EFCAB3: variants seen among roughly 807,000 people sequenced by gnomAD.
EFCAB3 encodes EF-hand calcium binding domain 3.
EFCAB3 carries 36 observed loss-of-function variants against 42.2 expected under a neutral mutation model. The observed-to-expected ratio is 0.85, with a 90% CI of 0.65 to 1.13. The LOEUF (loss-of-function observed/expected upper bound fraction) is 1.13, where lower values mean the gene tolerates loss of function less well. EFCAB3 is among the 50% of genes most tolerant of loss of function. The pLI, the probability that EFCAB3 is intolerant of heterozygous loss-of-function variation, is 0.00. For synonymous variants in EFCAB3, 170 were observed against 172.8 expected (o/e 0.98, Z 0.13); for missense variants, 418 against 505.1 (o/e 0.83, Z 1.65).
rs1301618178 is a variant in EFCAB3, at chr17:62,382,997, T to G, written c.18T>G (p.Ile6Met). The part of the protein sequence containing the change: MAVSE[I>M]KPKLKLNPLT... ...CTGGCCACATGGCAGTTTCAGAAAT[T>G]AAACCAAAACTTAAGCTGAATCCTC... Residue 6 changes from isoleucine (I) to methionine (M), a missense_variant, in exon 2 of 10, where the codon ATT becomes ATG. Transcript: ENST00000305286. The G allele has an allele frequency of 3.7e-6, 6 of 1,613,552 alleles. No homozygotes were observed. In the African/African-American group the frequency reaches 8.0e-5, roughly 22 times the overall value.
intron 8 of EFCAB3, 48 bp downstream of exon 8, chr17:62,407,260 C>T: frequency 6.9e-7 from 1 of 1,444,674 alleles, no homozygotes; most frequent in Non-Finnish European, 9.2e-7. Context: ...GATTTTTAAG[C>T]ACTAACTTAA....
At chr17:62,379,705 A>C (rs567678150), upstream of EFCAB3, among the ~76,000 whole-genome samples, 12 of 152,300 alleles carry the variant, frequency 7.9e-5, no homozygotes, top group South Asian at 2.5e-3. Flanking sequence ...CTTGGGTGCC[A>C]GAGATATCTG....
intron 3 of EFCAB3, among the ~76,000 whole-genome samples, chr17:62,391,205 T>C (rs551262158): frequency 6.6e-6 from 1 of 152,086 alleles, no homozygotes; most frequent in African/African-American, 2.4e-5. Flanking sequence ...GCCAGGATGG[T>C]CTCAATCTCC....
At chr17:62,404,050 T>A (rs189796666) in intron 6 of EFCAB3, among the ~76,000 whole-genome samples, 1 of 152,248 alleles carries the variant, frequency 6.6e-6, no homozygotes, top group East Asian at 1.9e-4. Flanking sequence ...CCTAAAACAG[T>A]TTCCCCCTTT....
intron 1 of EFCAB3, among the ~76,000 whole-genome samples, chr17:62,382,685 C>CT (rs1598006947): frequency 6.6e-6 from 1 of 152,134 alleles, no homozygotes; most frequent in Non-Finnish European, 1.5e-5. Flanking sequence ...CTGTGTCTGG[C>CT]TTATTTCACT....
chr17:62,381,519 G>T (rs1356498358), intron 1 of EFCAB3: 2 of 153,008 alleles, frequency 1.3e-5, no homozygotes, highest in Non-Finnish European at 2.9e-5. Flanking sequence ...TAATTCACAA[G>T]TTCCTTCCGG....
intron 3 of EFCAB3, among the ~76,000 whole-genome samples, chr17:62,388,282 A>G (rs1401460186): frequency 6.6e-6 from 1 of 152,220 alleles, no homozygotes; most frequent in African/African-American, 2.4e-5. Flanking sequence ...TGATAGGAAA[A>G]GCATGGAGTG....
chr17:62,370,847 G>C (rs898309673), intron 1 of EFCAB3, among the ~76,000 whole-genome samples: 14 of 151,900 alleles, frequency 9.2e-5, no homozygotes, highest in African/African-American at 3.4e-4. Flanking sequence ...CAGTGCTTTG[G>C]AGGGCTGAGG....
intron 6 of EFCAB3, among the ~76,000 whole-genome samples, chr17:62,396,862 G>A (rs2144088523): frequency 6.6e-6 from 1 of 152,230 alleles, no homozygotes; most frequent in South Asian, 2.1e-4. Flanking sequence ...CTGGGCAACA[G>A]AGTGAGACCT....
intron 1 of EFCAB3, among the ~76,000 whole-genome samples, chr17:62,371,905 A>G (rs1258853188): frequency 6.6e-6 from 1 of 152,214 alleles, no homozygotes; most frequent in Non-Finnish European, 1.5e-5. Context: ...TCGGAGGATA[A>G]CGTTTCTTAC....
intron 2 of EFCAB3, among the ~76,000 whole-genome samples, chr17:62,384,393 T>C (rs750122928): frequency 1.5e-4 from 23 of 152,180 alleles, no homozygotes; most frequent in Non-Finnish European, 2.6e-4. Context: ...CCCAGCACTT[T>C]GAGAGGCTGA....
In EFCAB3 at chr17:62,416,257, A is replaced by T. The variant is rs144778232; in HGVS notation, c.1245A>T (p.Ser415=). The change falls in exon 10 of 10, where the codon TCA becomes TCT. Residue 415 remains serine (S), a synonymous_variant. Transcript: ENST00000305286. ...ATAACTCCAGATCCTCTTCCTCATC[A>T]GATACCAGTGAATGTTACACAGACT... is the stretch of plus-strand genomic sequence containing the variant. ...SSHNSRSSSS[S]DTSECYTDSG... is the part of the protein sequence containing the mutation. The T allele has an allele frequency of 1.5e-5, 25 of 1,613,852 alleles. No individual in the cohort carries two copies. In the African/African-American group the frequency reaches 3.1e-4, roughly 20 times the overall value.
intron 6 of EFCAB3, among the ~76,000 whole-genome samples, chr17:62,402,432 T>A (rs1598017850): frequency 6.6e-6 from 1 of 152,230 alleles, no homozygotes; most frequent in South Asian, 2.1e-4. Context: ...GGGTTTGTCA[T>A]AAATAGCTCT....
chr17:62,390,205 A>G (rs889857013), intron 3 of EFCAB3, among the ~76,000 whole-genome samples: 4 of 152,188 alleles, frequency 2.6e-5, no homozygotes, highest in Non-Finnish European at 1.5e-5. Flanking sequence ...TTATACAACA[A>G]TAGGATTGAT....
chr17:62,403,593 C>T (rs187150924), intron 6 of EFCAB3, among the ~76,000 whole-genome samples: 3 of 152,314 alleles, frequency 2.0e-5, no homozygotes, highest in Admixed American at 6.5e-5. Flanking sequence ...CGTGACATTT[C>T]AAAGGTCCTT....
chr17:62,372,316 G>T (rs573917923), intron 1 of EFCAB3, among the ~76,000 whole-genome samples: 1 of 152,138 alleles, frequency 6.6e-6, no homozygotes, highest in Admixed American at 6.6e-5. Context: ...TGTCACCCAG[G>T]CTGGAGTGCA....
intron 1 of EFCAB3, among the ~76,000 whole-genome samples, chr17:62,371,430 C>T (rs1235859214): frequency 1.3e-5 from 2 of 151,774 alleles, no homozygotes; most frequent in African/African-American, 4.8e-5. Flanking sequence ...TGGTGGCACA[C>T]GTCTGTAATC....
At position 62,407,099 on chromosome 17, in the gene EFCAB3, G is replaced by T; in HGVS notation, c.754G>T (p.Val252Leu). 1 of 1,613,342 alleles carries T rather than the reference G, an allele frequency of 6.2e-7. No individual in the cohort carries two copies. Among genetic ancestry groups the T allele is most frequent in the Non-Finnish European group, 8.5e-7 (1 of 1,179,670 alleles). Residue 252 changes from valine to leucine, a missense_variant, in exon 8 of 10, where the codon GTG (valine) becomes TTG (leucine). By Grantham distance (32) the Val-to-Leu change is conservative. Transcript: ENST00000305286. ...TCCATTGTTCCCTAATGTGGATGGG[G>T]TGGTGATGGGAAAGCCATTCAAAGA... ...IFPLFPNVDG[V>L]VMGKPFKDMQ...
At chr17:62,381,840 G>C in intron 1 of EFCAB3, 1 of 435,340 alleles carries the variant, frequency 2.3e-6, no homozygotes, top group South Asian at 1.8e-5. Flanking sequence ...CATTGCCCAG[G>C]GTATTGGCAA....
Sources: gnomAD v4.1 joint callset for allele counts (sites outside exome capture counted in the v4.1 genomes callset) on GRCh38, gnomAD v4.1.1 for gene constraint, MANE v1.5 for transcripts, NCBI Gene and HGNC (gene_info 2026-07-23, HGNC 2026-07-21) for gene names.